The following PSIP1 variants were observed in gnomAD, a reference collection of about 807,000 sequenced individuals.
PSIP1 encodes PC4 and SFRS1-interacting protein.
Under a neutral mutation model 74.7 loss-of-function variants are expected in PSIP1, and 19 were observed. That is an observed-to-expected ratio of 0.25 (90% CI 0.18 to 0.37). The LOEUF (loss-of-function observed/expected upper bound fraction) is 0.37, where lower values mean the gene tolerates loss of function less well. Among genes scored for constraint, PSIP1 ranks in the 10% least tolerant of loss-of-function variants. The pLI is 1.00. For missense variants in PSIP1, 601 were observed against 614.3 expected (o/e 0.98, Z 0.23); for synonymous variants, 222 against 195.3 (o/e 1.14, Z -1.14).
At chr9:15,481,335 T>A (rs1464953246) in intron 6 of PSIP1, among the ~76,000 whole-genome samples, 1 of 152,214 alleles carries the variant, frequency 6.6e-6, no homozygotes. Context: ...AATTCTTTGG[T>A]GCAAAGAAGA....
At chr9:15,509,605 C>A (rs942043325) in intron 2 of PSIP1, among the ~76,000 whole-genome samples, 9 of 152,210 alleles carry the variant, frequency 5.9e-5, no homozygotes, top group Middle Eastern at 3.2e-3. Context: ...AATATCCAGT[C>A]CTGAATCTGT....
At chr9:15,474,817 T>C (rs1227430074) in intron 8 of PSIP1, among the ~76,000 whole-genome samples, 4 of 152,168 alleles carry the variant, frequency 2.6e-5, no homozygotes, top group Admixed American at 6.5e-5. Context: ...GTAATTACTT[T>C]TATGGTTGAT....
chr9:15,475,812 T>C (rs2036050387), intron 8 of PSIP1, among the ~76,000 whole-genome samples: 1 of 152,208 alleles, frequency 6.6e-6, no homozygotes, highest in South Asian at 2.1e-4. Context: ...AAATACAGAC[T>C]TGTGACAACT....
At chr9:15,470,709 ATC>A (rs1333472740) in intron 10 of PSIP1, 2 of 942,206 alleles carry the variant, frequency 2.1e-6, no homozygotes, top group East Asian at 8.1e-5. Flanking sequence ...CTACTGTTTA[ATC>A]TCTCAGGATT....
At chr9:15,489,327 G>C (rs955252173) in intron 4 of PSIP1, 1 of 152,026 alleles carries the variant, frequency 6.6e-6, no homozygotes, top group Admixed American at 6.6e-5. Flanking sequence ...GAAATTAAAG[G>C]CTGCGCGCAA....
rs771555544 is a variant in PSIP1 at position 15,474,109 on chromosome 9, C to T, written c.758G>A (p.Gly253Glu). Residue 253 changes from glycine (G) to glutamate (E), a missense_variant, in exon 9 of 16, where the codon GGG becomes GAG. Gly to Glu is a moderately conservative substitution (Grantham distance 98). Around this residue, in one of 2 missense-constraint regions of PSIP1, gnomAD observed 538 missense variants for 507.6 expected, o/e 1.06. Transcript: ENST00000380733. ...KPRKEPDKKE[G>E]KKEVESKRKN... ...CCTTTTTGATTCAACTTCTTTCTTCCCCTCTTTTTTATCCGGCTCTTTTCT... is the reference window on the plus strand; with the variant it reads ...CCTTTTTGATTCAACTTCTTTCTTCTCCTCTTTTTTATCCGGCTCTTTTCT... 3 of 1,613,372 alleles carry T rather than the reference C, an allele frequency of 1.9e-6. No homozygotes were observed. Among genetic ancestry groups the T allele is most frequent in the East Asian group, 4.5e-5 (2 of 44,812 alleles).
chr9:15,469,287 ATTT>A lies in PSIP1; in HGVS notation c.1080_1082del (p.Lys360del), dbSNP rs1401548294. ...TTACAAGATTATCAATTTTGAGTGA[ATTT>A]TTAATCTCAGCATGTATCCTTTGAA... On this transcript the variant is annotated inframe_deletion, in exon 12 of 16. Coordinates refer to ENST00000380733, the MANE Select transcript of PSIP1 (RefSeq NM_033222.5). 6.4e-7 allele frequency: 1 copy of A among 1,568,658 alleles called. No homozygotes were observed. The highest frequency in any genetic ancestry group is 8.7e-7 in the Non-Finnish European group (1 of 1,150,888).
At chr9:15,477,112 G>C (rs946116017) in intron 8 of PSIP1, among the ~76,000 whole-genome samples, 2 of 152,162 alleles carry the variant, frequency 1.3e-5, no homozygotes, top group Admixed American at 6.6e-5. Context: ...CAGAATTTCA[G>C]ATTTCCTAGG....
intron 5 of PSIP1, among the ~76,000 whole-genome samples, 187 bp from the exon 6 acceptor site, chr9:15,486,255 G>A (rs1277159028): frequency 6.6e-6 from 1 of 152,170 alleles, no homozygotes; most frequent in East Asian, 1.9e-4. Context: ...CATTTCCACT[G>A]TCAGATCAAA....
chr9:15,490,655 C>T (rs1244406142), intron 3 of PSIP1, among the ~76,000 whole-genome samples: 2 of 140,606 alleles, frequency 1.4e-5, no homozygotes, highest in Non-Finnish European at 3.0e-5. Context: ...TGCACTCCAG[C>T]CTGGGTGACA....
Position 15,487,311 on chromosome 9 carries a change from G to A in PSIP1, c.289-380C>T, listed in dbSNP as rs567251445. On this transcript the variant is annotated intron_variant, in intron 4 of 15. Transcript: ENST00000380733. ...AATGATCCAAGAGAAATTACAAAAC[G>A]TAGTTGGGCACTGTGGCTCACACCT... Among the ~76,000 whole-genome samples the A allele has an allele frequency of 9.2e-5, 14 of 152,114 alleles. No homozygotes were observed. The East Asian group carries it at 2.5e-3, about 28-fold the overall frequency.
intron 2 of PSIP1, among the ~76,000 whole-genome samples, chr9:15,506,987 C>T (rs2037621007): frequency 6.6e-6 from 1 of 152,158 alleles, no homozygotes; most frequent in South Asian, 2.1e-4. Flanking sequence ...TCCTAAAATC[C>T]CAGAATTCTG....
chr9:15,510,027 G>A (rs1009273037), intron 2 of PSIP1, 90 bp downstream of exon 2: 34 of 1,329,524 alleles, frequency 2.6e-5, no homozygotes, highest in Middle Eastern at 1.9e-4. Flanking sequence ...GGAGAGAAAG[G>A]ACAGAAGAAA....
intron 3 of PSIP1, among the ~76,000 whole-genome samples, chr9:15,493,928 T>C (rs1021050022): frequency 1.3e-5 from 2 of 152,118 alleles, no homozygotes; most frequent in Non-Finnish European, 1.5e-5. Flanking sequence ...TCTGTACATA[T>C]ATATTTAGAT....
At position 15,501,878 on chromosome 9, in the gene PSIP1, C is replaced by A. The variant is rs376416476; in HGVS notation, c.149+4683G>T. Among the ~76,000 whole-genome samples, 44 of 116,476 alleles carry A rather than the reference C, an allele frequency of 3.8e-4. No homozygotes were observed. In the South Asian group the frequency reaches 0.012, roughly 32 times the overall value. The allele number at this position is 116,476 out of a possible 152,430, so 76.4% of individuals were successfully genotyped here. A position where few individuals can be genotyped will look rare whatever the true frequency, so the allele number is the denominator to read the frequency against. On this transcript the variant is annotated intron_variant, in intron 3 of 15. Transcript: ENST00000380733. ...ATATATATATATATAAAACGCACAC[C>A]CTCCCATATACTTTAAATCTGGGGT...
At chr9:15,492,061 T>C (rs923083708) in intron 3 of PSIP1, 4 of 152,220 alleles carry the variant, frequency 2.6e-5, no homozygotes, top group African/African-American at 9.6e-5. Context: ...CATATCATTC[T>C]GCCCCTGCCC....
intron 3 of PSIP1, among the ~76,000 whole-genome samples, chr9:15,499,868 T>A (rs1167100683): frequency 4.8e-5 from 7 of 144,962 alleles, no homozygotes; most frequent in Non-Finnish European, 9.0e-5. Context: ...AGCAAGAGAC[T>A]CTGTCTCAAA....
intron 3 of PSIP1, among the ~76,000 whole-genome samples, chr9:15,494,565 C>CAAAAAAAAAAAAAA: frequency 2.7e-5 from 1 of 37,532 alleles, no homozygotes; most frequent in Non-Finnish European, 4.6e-5. Flanking sequence ...AACTGCATCT[C>CAAAAAAAAAAAAAA]AAAAAAAAAA....
chr9:15,508,738 G>C (rs1030918665), intron 2 of PSIP1, among the ~76,000 whole-genome samples: 9 of 152,120 alleles, frequency 5.9e-5, no homozygotes, highest in African/African-American at 2.2e-4. Flanking sequence ...TGTTTTATAG[G>C]TGCATCATAT....
Sources: gnomAD v4.1 joint callset for allele counts (sites outside exome capture counted in the v4.1 genomes callset) on GRCh38, gnomAD v4.1.1 for gene constraint, gnomAD v4.1.1 regional missense constraint, MANE v1.5 for transcripts, NCBI Gene and HGNC (gene_info 2026-07-23, HGNC 2026-07-21) for gene names.